SV2C: variants seen among roughly 807,000 people sequenced by gnomAD.
SV2C encodes the protein synaptic vesicle glycoprotein 2C.
In SV2C, 49 loss-of-function variants were observed where a neutral mutation model predicts 79.7. The observed-to-expected ratio is 0.61, with a 90% CI of 0.49 to 0.78. SV2C has a LOEUF of 0.78. SV2C is among the 30% of genes least tolerant of loss of function. SV2C has a pLI of 0.00. For missense variants in SV2C, 833 were observed against 912.9 expected (o/e 0.91, Z 1.13); for synonymous variants, 334 against 333.2 (o/e 1.00, Z -0.03).
chr5:76,245,150 A>G (rs539032099), intron 4 of SV2C, among the ~76,000 whole-genome samples: 1 of 152,176 alleles, frequency 6.6e-6, no homozygotes, highest in African/African-American at 2.4e-5. Context: ...ATTGCTCTCT[A>G]TATATTTATA....
the SV2C span, among the ~76,000 whole-genome samples, chr5:75,957,690 G>T: frequency 2.0e-5 from 3 of 152,046 alleles, no homozygotes; most frequent in African/African-American, 7.2e-5. Context: ...CATATGGCAA[G>T]TACACTGCTT....
rs1749213650 is a variant in SV2C, at chr5:76,332,479, TA to T, written c.*6933del. Reference sequence around the variant, plus strand: ...CTATTACTAAAAAATTAAATAAGATTAGATAAATTATAGCTAAAAGCAAAGG... The same window carrying T: ...CTATTACTAAAAAATTAAATAAGATTGATAAATTATAGCTAAAAGCAAAGG... On this transcript the variant is annotated 3_prime_UTR_variant, in exon 13 of 13. Coordinates refer to ENST00000502798, the MANE Select transcript of SV2C (RefSeq NM_014979.4). The T allele has an allele frequency of 6.6e-6, 1 of 152,190 alleles. No homozygotes were observed. 9.4% of individuals were successfully genotyped at this position (152,190 alleles called of 1,614,324 possible).
the SV2C span, among the ~76,000 whole-genome samples, chr5:76,016,767 A>G: frequency 6.6e-6 from 1 of 152,202 alleles, no homozygotes; most frequent in Admixed American, 6.5e-5. Context: ...CTGTGAATCC[A>G]GTTCTCTTTG....
At chr5:76,208,429 C>A (rs1379324147) in intron 3 of SV2C, among the ~76,000 whole-genome samples, 1 of 152,180 alleles carries the variant, frequency 6.6e-6, no homozygotes, top group African/African-American at 2.4e-5. Context: ...GTAACTATGG[C>A]ATCACTTTAA....
At chr5:75,847,746 AC>A in the SV2C span, among the ~76,000 whole-genome samples, 3 of 152,176 alleles carry the variant, frequency 2.0e-5, no homozygotes, top group African/African-American at 7.2e-5. Flanking sequence ...TCTGTTCCCA[AC>A]CCCCAGAATT....
chr5:75,959,343 A>G, the SV2C span, among the ~76,000 whole-genome samples: 1 of 151,982 alleles, frequency 6.6e-6, no homozygotes, highest in African/African-American at 2.4e-5. Context: ...TGTTTCTTCT[A>G]AGAACATTTC....
chr5:76,235,838 C>T (rs1745593616), intron 4 of SV2C, among the ~76,000 whole-genome samples: 1 of 152,072 alleles, frequency 6.6e-6, no homozygotes, highest in Non-Finnish European at 1.5e-5. Context: ...TCTCCTACAG[C>T]TGAGCATGAC....
rs565281217 is a variant in SV2C at position 76,321,588 on chromosome 5, A to T, written c.2001-3776A>T. Reference sequence around the variant, plus strand: ...AACCCCATCTCTACAAAAAAATACAATAATTAGCTGGGCATGGTGGTGCAC... The same window carrying T: ...AACCCCATCTCTACAAAAAAATACATTAATTAGCTGGGCATGGTGGTGCAC... On this transcript the variant is annotated intron_variant, in intron 12 of 12. Coordinates refer to ENST00000502798, the MANE Select transcript of SV2C (RefSeq NM_014979.4). Among the ~76,000 whole-genome samples the T allele has an allele frequency of 2.6e-5, 4 of 152,120 alleles. No homozygotes were observed. In the South Asian group the frequency reaches 8.3e-4, roughly 32 times the overall value.
At chr5:75,915,811 C>T in the SV2C span, among the ~76,000 whole-genome samples, 1 of 152,160 alleles carries the variant, frequency 6.6e-6, no homozygotes, top group Non-Finnish European at 1.5e-5. Context: ...GGTCAAGATG[C>T]TTAACGAAAG....
chr5:75,954,572 G>A, the SV2C span, among the ~76,000 whole-genome samples: 1 of 150,182 alleles, frequency 6.7e-6, no homozygotes, highest in Non-Finnish European at 1.5e-5. Flanking sequence ...GGAAATAAAG[G>A]GTATTCAATT....
At chr5:76,312,616 T>C (rs1270118970) in intron 12 of SV2C, among the ~76,000 whole-genome samples, 1 of 152,218 alleles carries the variant, frequency 6.6e-6, no homozygotes, top group African/African-American at 2.4e-5. Context: ...CCTTGTGAGA[T>C]GCAGCCCACG....
chr5:76,077,273 G>T, the SV2C span, among the ~76,000 whole-genome samples: 5,520 of 152,094 alleles, frequency 0.036, 339 homozygotes, highest in African/African-American at 0.13. Flanking sequence ...ATAGCATAAC[G>T]GGAACGAAAT....
chr5:76,123,890 A>G (rs1419529968), intron 1 of SV2C, among the ~76,000 whole-genome samples: 1 of 152,186 alleles, frequency 6.6e-6, no homozygotes, highest in African/African-American at 2.4e-5. Context: ...TCACTCCCAA[A>G]TAGTTAGAGA....
intron 2 of SV2C, chr5:76,174,237 G>T (rs754281444): frequency 2.0e-5 from 31 of 1,570,992 alleles, no homozygotes; most frequent in Non-Finnish European, 2.7e-5. Flanking sequence ...CTGTCACCGG[G>T]TCTCTGCAGC....
intron 4 of SV2C, among the ~76,000 whole-genome samples, chr5:76,257,668 TGTGTGTGGTGTG>T (rs1472882200): frequency 6.7e-6 from 1 of 150,254 alleles, no homozygotes; most frequent in Non-Finnish European, 1.5e-5. Context: ...AAGTGTGGCG[TGTGTGTGGTGTG>T]GTGTGTGGTA....
chr5:76,151,885 T>C (rs1257284540), intron 2 of SV2C, among the ~76,000 whole-genome samples: 2 of 151,850 alleles, frequency 1.3e-5, no homozygotes, highest in Non-Finnish European at 2.9e-5. Flanking sequence ...AGGAAGGCGG[T>C]TGGAAATGGC....
the SV2C span, among the ~76,000 whole-genome samples, chr5:75,968,490 T>G: frequency 1.3e-5 from 2 of 152,264 alleles, no homozygotes; most frequent in African/African-American, 4.8e-5. Flanking sequence ...AAGGACCTGA[T>G]GGAGCTGAAA....
At chr5:75,914,330 TCATACC>T in the SV2C span, among the ~76,000 whole-genome samples, 2 of 152,244 alleles carry the variant, frequency 1.3e-5, no homozygotes, top group African/African-American at 4.8e-5. Flanking sequence ...TACTACTTTT[TCATACC>T]CATATTTTGT....
the SV2C span, among the ~76,000 whole-genome samples, chr5:75,856,921 T>C: frequency 0.04 from 6,137 of 151,838 alleles, 207 homozygotes; most frequent in African/African-American, 0.094. Flanking sequence ...AGCATTTTCA[T>C]AGTTTGAGGT....
Sources: allele counts gnomAD v4.1 joint callset (sites outside exome capture counted in the v4.1 genomes callset), GRCh38; gene constraint gnomAD v4.1.1; transcripts MANE v1.5; gene names NCBI Gene and HGNC (gene_info 2026-07-23, HGNC 2026-07-21).